The following SYNE3 variants were observed in gnomAD, a reference collection of about 807,000 sequenced individuals.
SYNE3 encodes nesprin-3.
Under a neutral mutation model 111.2 loss-of-function variants are expected in SYNE3, and 100 were observed. That is an observed-to-expected ratio of 0.90 (90% CI 0.77 to 1.06). The LOEUF is 1.06. Ranked by LOEUF, SYNE3 falls within the 50% of genes least tolerant of loss-of-function variation. The pLI, the probability that SYNE3 is intolerant of heterozygous loss-of-function variation, is 0.00. For missense variants in SYNE3, 1,160 were observed against 1,240.3 expected (o/e 0.94, Z 0.97); for synonymous variants, 547 against 533.9 (o/e 1.02, Z -0.34).
intron 17 of SYNE3, among the ~76,000 whole-genome samples, chr14:95,431,579 C>T (rs1036026524): frequency 3.3e-5 from 5 of 152,314 alleles, no homozygotes; most frequent in Admixed American, 6.5e-5. Context: ...ACTCTGAGCA[C>T]GGCTCAGTAG....
chr14:95,426,006 G>A (rs1167129664), intron 17 of SYNE3, among the ~76,000 whole-genome samples: 4 of 152,198 alleles, frequency 2.6e-5, no homozygotes, highest in Non-Finnish European at 5.9e-5. Flanking sequence ...ACTGGTCTTA[G>A]TGAAGAAGTA....
At chr14:95,492,741 C>T (rs546662658) in intron 1 of SYNE3, among the ~76,000 whole-genome samples, 4 of 151,976 alleles carry the variant, frequency 2.6e-5, no homozygotes, top group Admixed American at 1.3e-4. Flanking sequence ...TGAGGGTAGG[C>T]GAGGTGGCTC....
At chr14:95,480,900 C>T (rs1889203472) in intron 1 of SYNE3, among the ~76,000 whole-genome samples, 2 of 152,260 alleles carry the variant, frequency 1.3e-5, no homozygotes, top group African/African-American at 4.8e-5. Flanking sequence ...CAGCCCCAGC[C>T]CATCTCAGCA....
At chr14:95,472,945 G>A (rs1888618287) in intron 2 of SYNE3, among the ~76,000 whole-genome samples, 1 of 152,182 alleles carries the variant, frequency 6.6e-6, no homozygotes, top group East Asian at 1.9e-4. Flanking sequence ...CCACGTCCCT[G>A]TCACTGCAGC....
At chr14:95,502,382 C>T (rs553601066) in intron 1 of SYNE3, among the ~76,000 whole-genome samples, 149 of 151,692 alleles carry the variant, frequency 9.8e-4, no homozygotes, top group African/African-American at 1.2e-3. Context: ...GGGAGACTTG[C>T]TCTGGGTTAT....
At chr14:95,444,650 T>G (rs759490079) in intron 9 of SYNE3, 22 bp from the exon 10 acceptor site, 3 of 1,565,692 alleles carry the variant, frequency 1.9e-6, no homozygotes, top group African/African-American at 2.7e-5. Flanking sequence ...CAGGACAGTG[T>G]GCACATTAAG....
intron 1 of SYNE3, among the ~76,000 whole-genome samples, chr14:95,512,212 T>C (rs550213415): frequency 4.6e-5 from 7 of 152,326 alleles, no homozygotes; most frequent in Non-Finnish European, 1.0e-4. Context: ...AATTTTTTGC[T>C]TTATTTTTTA....
chr14:95,467,748 C>A (rs562095071), intron 3 of SYNE3, 47 bp downstream of exon 3: 2 of 1,608,992 alleles, frequency 1.2e-6, no homozygotes, highest in African/African-American at 2.7e-5. Context: ...TCACAGTGGG[C>A]AAGGAGGGTA....
Position 95,410,745 on chromosome 14 carries a change from G to A in SYNE3, c.*7081C>T, listed in dbSNP as rs990528043. ...TGGTTTAAGCCAAAGTTGGTCGGGGGAGGAGGGATTCTGTTACTCGTGGCT... is the reference window on the plus strand; with the variant it reads ...TGGTTTAAGCCAAAGTTGGTCGGGGAAGGAGGGATTCTGTTACTCGTGGCT... On this transcript the variant is annotated 3_prime_UTR_variant, in exon 18 of 18. Coordinates refer to ENST00000682763, the MANE Select transcript of SYNE3 (RefSeq NM_152592.6). 5 of 152,272 alleles carry A rather than the reference G, an allele frequency of 3.3e-5. No homozygotes were observed. The highest frequency in any genetic ancestry group is 1.2e-4 in the African/African-American group (5 of 41,444). The allele number at this position is 152,272 out of a possible 1,614,324, so 9.4% of individuals were successfully genotyped here. A position where few individuals can be genotyped will look rare whatever the true frequency, so the allele number is the denominator to read the frequency against.
chr14:95,421,171 G>A (rs540743308), intron 17 of SYNE3, among the ~76,000 whole-genome samples: 46 of 152,194 alleles, frequency 3.0e-4, no homozygotes, highest in Middle Eastern at 3.4e-3. Flanking sequence ...ACCCAGTCTC[G>A]GGTATGTCTT....
At chr14:95,486,309 G>C (rs1889542988) in intron 1 of SYNE3, among the ~76,000 whole-genome samples, 1 of 151,948 alleles carries the variant, frequency 6.6e-6, no homozygotes, top group African/African-American at 2.4e-5. Flanking sequence ...ACCTTCCTCA[G>C]TGACCCACCC....
intron 1 of SYNE3, among the ~76,000 whole-genome samples, chr14:95,488,070 T>G (rs1889638424): frequency 6.6e-6 from 1 of 152,244 alleles, no homozygotes; most frequent in Admixed American, 6.5e-5. Flanking sequence ...CTTACTTTAT[T>G]GTAAGAATAT....
At chr14:95,421,950 T>C (rs1885153661) in intron 17 of SYNE3, among the ~76,000 whole-genome samples, 1 of 152,130 alleles carries the variant, frequency 6.6e-6, no homozygotes, top group South Asian at 2.1e-4. Context: ...CAGGAGACCC[T>C]CCCTGGCCTT....
chr14:95,441,448 C>T (rs1485669609), intron 11 of SYNE3, among the ~76,000 whole-genome samples: 2 of 152,222 alleles, frequency 1.3e-5, no homozygotes. Context: ...GAGACTGCCT[C>T]GCTGTGGGGA....
At chr14:95,459,626 G>A (rs1887667866) in intron 4 of SYNE3, among the ~76,000 whole-genome samples, 2 of 152,170 alleles carry the variant, frequency 1.3e-5, no homozygotes, top group African/African-American at 4.8e-5. Flanking sequence ...AAGTGCATCT[G>A]AAAAACCCCT....
At chr14:95,439,509 A>G in intron 13 of SYNE3, 103 bp downstream of exon 13, 1 of 1,491,020 alleles carries the variant, frequency 6.7e-7, no homozygotes, top group Non-Finnish European at 9.2e-7. Flanking sequence ...CTGGCTCCAC[A>G]CTGGGCAGCA....
intron 1 of SYNE3, among the ~76,000 whole-genome samples, chr14:95,484,006 C>T (rs1050038279): frequency 1.1e-4 from 17 of 152,246 alleles, no homozygotes; most frequent in African/African-American, 3.9e-4. Context: ...GGAAAGCCAG[C>T]TGCTCTCTGA....
In SYNE3 at chr14:95,415,496, G is replaced by T. The variant is rs1351861326; in HGVS notation, c.*2330C>A. On this transcript the variant is annotated 3_prime_UTR_variant, in exon 18 of 18. Coordinates refer to ENST00000682763, the MANE Select transcript of SYNE3 (RefSeq NM_152592.6). ...TATTTGGAAACCAAGTCACAGGGTT[G>T]TAGGATCTACTTTTTGAACTTTTCA... The T allele has an allele frequency of 6.6e-6, 1 of 152,140 alleles. No individual in the cohort carries two copies. The highest frequency in any genetic ancestry group is 1.5e-5 in the Non-Finnish European group (1 of 68,030). The allele number at this position is 152,140 out of a possible 1,614,324, so 9.4% of individuals were successfully genotyped here. A position where few individuals can be genotyped will look rare whatever the true frequency, so the allele number is the denominator to read the frequency against.
chr14:95,485,332 G>A lies in SYNE3; in HGVS notation c.-14-9497C>T, dbSNP rs150509636. ...CTCTTGGAGAAGGACAGAGTGAGGC[G>A]GGGCTGCTGGCCCCCTCCCCACATT... On this transcript the variant is annotated intron_variant, in intron 1 of 17. Coordinates refer to ENST00000682763, the MANE Select transcript of SYNE3 (RefSeq NM_152592.6). The surrounding 1 kb of genome is among the most constrained non-coding windows in gnomAD (Gnocchi z 4.3). Among the ~76,000 whole-genome samples, 12 of 152,256 alleles carry A rather than the reference G, an allele frequency of 7.9e-5. No homozygotes were observed. The East Asian group carries it at 1.9e-3, about 24-fold the overall frequency.
Sources: gnomAD v4.1 joint callset for allele counts (sites outside exome capture counted in the v4.1 genomes callset) on GRCh38, gnomAD v4.1.1 for gene constraint, Gnocchi (gnomAD v3.1) non-coding constraint, MANE v1.5 for transcripts, NCBI Gene and HGNC (gene_info 2026-07-23, HGNC 2026-07-21) for gene names.